Variants in GTF2IRD1 observed in about 807,000 individuals in gnomAD.
The protein encoded by GTF2IRD1 is GTF2I repeat domain containing 1.
In GTF2IRD1, 26 loss-of-function variants were observed where a neutral mutation model predicts 113.2. The ratio of observed to expected loss-of-function variants is 0.23; its 90% CI spans 0.17 to 0.32. The LOEUF (loss-of-function observed/expected upper bound fraction) is 0.32, where lower values mean the gene tolerates loss of function less well. Ranked by LOEUF, GTF2IRD1 falls within the 10% of genes least tolerant of loss-of-function variation. The probability of loss-of-function intolerance (pLI) is 1.00; values close to 1 mark genes in which losing one functional copy is unlikely to be tolerated. For missense variants in GTF2IRD1, 864 were observed against 1,280.8 expected (o/e 0.67, Z 4.97); for synonymous variants, 484 against 529.1 (o/e 0.91, Z 1.17).
chr7:74,485,101 G>A (rs1442946128), intron 1 of GTF2IRD1, among the ~76,000 whole-genome samples: 6 of 151,922 alleles, frequency 3.9e-5, no homozygotes, highest in Admixed American at 3.3e-4. Flanking sequence ...CCAAGGGCCC[G>A]GAGCTGGGTG....
intron 14 of GTF2IRD1, among the ~76,000 whole-genome samples, chr7:74,541,919 GATAGAT>G (rs2130617211): frequency 1.2e-5 from 1 of 84,592 alleles, no homozygotes; most frequent in South Asian, 3.2e-4. Context: ...TAAATAGATA[GATAGAT>G]AGATAGATAG....
intron 22 of GTF2IRD1, among the ~76,000 whole-genome samples, chr7:74,563,161 G>T (rs1295517898): frequency 1.3e-5 from 2 of 151,994 alleles, no homozygotes; most frequent in African/African-American, 2.4e-5. Context: ...AGGCCTAACG[G>T]TGGGATCTCG....
rs1411797648 is a variant in GTF2IRD1 at position 74,453,937 on chromosome 7, C to T, written c.-246C>T. 1 of 148,982 alleles carries T rather than the reference C, an allele frequency of 6.7e-6. No individual in the cohort carries two copies. The highest frequency in any genetic ancestry group is 2.5e-5 in the African/African-American group (1 of 40,646). The allele number at this position is 148,982 out of a possible 1,614,324, so 9.2% of individuals were successfully genotyped here. ...CTCCCCGCGCCGCCCCGCCCTCCGC[C>T]GCAGCCCGCGCCGGGGGTGGGGGCC... On this transcript the variant is annotated 5_prime_UTR_variant, in exon 1 of 27. Coordinates refer to ENST00000424337, the MANE Select transcript of GTF2IRD1 (RefSeq NM_005685.4).
chr7:74,512,901 G>A lies in GTF2IRD1; in HGVS notation c.195G>A (p.Val65=). ...TGCACGATGAGAGCGCCTTTGTGGT[G>A]GGCACAGAGAAGGGGAGAATGTTCC... ...VAVHDESAFV[V]GTEKGRMFLN... Residue 65 remains valine (V), a synonymous_variant, in exon 3 of 27, where the codon GTG becomes GTA. Coordinates refer to ENST00000424337, the MANE Select transcript of GTF2IRD1 (RefSeq NM_005685.4). The surrounding 1 kb of genome is among the most constrained non-coding windows in gnomAD (Gnocchi z 4.4). The A allele has an allele frequency of 6.2e-7, 1 of 1,614,060 alleles. No individual in the cohort carries two copies. Among genetic ancestry groups the A allele is most frequent in the Non-Finnish European group, 8.5e-7 (1 of 1,179,924 alleles).
intron 17 of GTF2IRD1, among the ~76,000 whole-genome samples, chr7:74,547,696 C>G (rs1336207136): frequency 6.6e-6 from 1 of 151,784 alleles, no homozygotes; most frequent in Admixed American, 6.6e-5. Flanking sequence ...ACCTCAGCCT[C>G]CCAAAGTGCT....
intron 22 of GTF2IRD1, among the ~76,000 whole-genome samples, chr7:74,565,046 G>T (rs587643848): frequency 1.1e-3 from 101 of 92,450 alleles, no homozygotes; most frequent in African/African-American, 4.4e-3. Flanking sequence ...CTGGTGGGGG[G>T]CCTCGGGTTG....
intron 4 of GTF2IRD1, 109 bp downstream of exon 4, chr7:74,515,705 C>T (rs1197638667): frequency 2.0e-5 from 19 of 929,278 alleles, no homozygotes; most frequent in Middle Eastern, 7.0e-4. Context: ...TGGGCAAAGC[C>T]GGACCCCAAG....
intron 22 of GTF2IRD1, 63 bp from the exon 23 acceptor site, chr7:74,589,788 A>C (rs1801943901): frequency 2.1e-6 from 2 of 966,968 alleles, no homozygotes; most frequent in East Asian, 4.8e-5. Flanking sequence ...CTGGTGGGAG[A>C]AGCAGCAGGT....
intron 22 of GTF2IRD1, among the ~76,000 whole-genome samples, chr7:74,573,242 T>C (rs1583923896): frequency 6.6e-6 from 1 of 151,696 alleles, no homozygotes; most frequent in African/African-American, 2.4e-5. Context: ...AAATCCCATC[T>C]TGACAAAAAA....
intron 22 of GTF2IRD1, among the ~76,000 whole-genome samples, chr7:74,568,596 C>T (rs1197247549): frequency 9.9e-5 from 15 of 151,942 alleles, no homozygotes; most frequent in Admixed American, 2.6e-4. Context: ...TGCAGTGAGC[C>T]GAGATTGTGC....
At chr7:74,500,686 A>T (rs1479935213) in intron 1 of GTF2IRD1, among the ~76,000 whole-genome samples, 2 of 152,142 alleles carry the variant, frequency 1.3e-5, no homozygotes, top group Admixed American at 1.3e-4. Context: ...TCGCATTTGC[A>T]TGCTCTGACA....
intron 1 of GTF2IRD1, chr7:74,506,083 G>T (rs781813616): frequency 2.6e-5 from 4 of 152,240 alleles, no homozygotes; most frequent in Non-Finnish European, 5.9e-5. Flanking sequence ...AAAAGCAGAG[G>T]AGAGCCAGAA....
At chr7:74,563,582 A>G (rs1800110252) in intron 22 of GTF2IRD1, among the ~76,000 whole-genome samples, 1 of 151,540 alleles carries the variant, frequency 6.6e-6, no homozygotes, top group Non-Finnish European at 1.5e-5. Context: ...CGTCTCAGAA[A>G]AAAAAAAAAA....
At chr7:74,459,425 T>C (rs1410357733) in intron 1 of GTF2IRD1, among the ~76,000 whole-genome samples, 3 of 151,582 alleles carry the variant, frequency 2.0e-5, no homozygotes, top group African/African-American at 7.3e-5. Flanking sequence ...ACCATTGCAC[T>C]CCAGCCTGGG....
chr7:74,589,972 G>A (rs782341411), intron 23 of GTF2IRD1, 44 bp downstream of exon 23: 20 of 1,239,242 alleles, frequency 1.6e-5, no homozygotes, highest in Admixed American at 7.2e-5. Context: ...CCCTCCTCCC[G>A]GGGGTGGTGG....
intron 1 of GTF2IRD1, among the ~76,000 whole-genome samples, chr7:74,476,376 T>TTTTTTTTTTTC: frequency 6.9e-6 from 1 of 144,746 alleles, no homozygotes; most frequent in Non-Finnish European, 1.5e-5. Context: ...CTTTTTTTTT[T>TTTTTTTTTTTC]TCTTTTGAGA....
At chr7:74,493,957 C>T (rs1307283777) in intron 1 of GTF2IRD1, among the ~76,000 whole-genome samples, 5 of 152,088 alleles carry the variant, frequency 3.3e-5, no homozygotes, top group South Asian at 2.1e-4. Flanking sequence ...GAACTCAAGC[C>T]GTGTCCACTC....
At chr7:74,537,788 T>A (rs1428821732) in intron 11 of GTF2IRD1, among the ~76,000 whole-genome samples, 41 of 152,064 alleles carry the variant, frequency 2.7e-4, no homozygotes, top group Non-Finnish European at 4.9e-4. Context: ...GCCCTGCAGG[T>A]CTCAGTCCCC....
chr7:74,497,551 G>A (rs1795802518), intron 1 of GTF2IRD1, among the ~76,000 whole-genome samples: 1 of 151,070 alleles, frequency 6.6e-6, no homozygotes, highest in South Asian at 2.1e-4. Flanking sequence ...TACTGGACCT[G>A]GCTGGTAGTC....
Sources: allele counts gnomAD v4.1 joint callset (sites outside exome capture counted in the v4.1 genomes callset), GRCh38; gene constraint gnomAD v4.1.1; non-coding constraint Gnocchi (gnomAD v3.1); transcripts MANE v1.5; gene names NCBI Gene and HGNC (gene_info 2026-07-23, HGNC 2026-07-21).